OXR1: variants seen among roughly 807,000 people sequenced by gnomAD.
OXR1 encodes oxidation resistance protein 1.
In OXR1, 41 loss-of-function variants were observed where a neutral mutation model predicts 104.6. The observed-to-expected ratio is 0.39, with a 90% CI of 0.31 to 0.51. The LOEUF is 0.51. OXR1 is among the 20% of genes least tolerant of loss of function. The pLI is 0.77. For synonymous variants in OXR1, 348 were observed against 348.4 expected (o/e 1.00, Z 0.01); for missense variants, 955 against 1,031.9 (o/e 0.93, Z 1.02).
At chr8:106,725,519 T>C (rs1271980962) in intron 11 of OXR1, among the ~76,000 whole-genome samples, 6 of 152,242 alleles carry the variant, frequency 3.9e-5, no homozygotes, top group Admixed American at 2.6e-4. Flanking sequence ...ATATCACTGG[T>C]TAGTGAAGTA....
intron 2 of OXR1, among the ~76,000 whole-genome samples, chr8:106,432,502 C>G (rs1350805454): frequency 1.3e-5 from 2 of 152,102 alleles, no homozygotes; most frequent in African/African-American, 4.8e-5. Context: ...TCGTTCTTTC[C>G]CTTAGCTTAT....
chr8:106,740,615 T>C (rs1466036337), intron 14 of OXR1, 120 bp downstream of exon 14: 7 of 805,646 alleles, frequency 8.7e-6, no homozygotes, highest in African/African-American at 5.3e-5. Context: ...TGATAATTAC[T>C]GGGTACTTTT....
chr8:106,505,932 A>G (rs1050594017), intron 2 of OXR1, among the ~76,000 whole-genome samples: 2 of 152,218 alleles, frequency 1.3e-5, no homozygotes, highest in African/African-American at 4.8e-5. Context: ...ATAGCAGAGT[A>G]GGTAGTAGGG....
intron 2 of OXR1, among the ~76,000 whole-genome samples, chr8:106,390,917 A>ACTCT (rs1210990539): frequency 6.6e-6 from 1 of 151,962 alleles, no homozygotes; most frequent in Non-Finnish European, 1.5e-5. Flanking sequence ...TCCCCCAGAT[A>ACTCT]CTCTCATTAG....
chr8:106,434,788 A>C (rs916725513), intron 2 of OXR1, among the ~76,000 whole-genome samples: 3 of 152,222 alleles, frequency 2.0e-5, no homozygotes, highest in Non-Finnish European at 4.4e-5. Flanking sequence ...TAATTCAGCA[A>C]TTCTGTAATT....
chr8:106,524,221 T>C (rs534702590), intron 3 of OXR1, among the ~76,000 whole-genome samples: 24 of 152,230 alleles, frequency 1.6e-4, no homozygotes, highest in Non-Finnish European at 3.2e-4. Flanking sequence ...ACTCAGATAT[T>C]TGTGATAATC....
At chr8:106,551,974 T>C (rs1178132715) in intron 3 of OXR1, among the ~76,000 whole-genome samples, 5 of 148,872 alleles carry the variant, frequency 3.4e-5, no homozygotes, top group African/African-American at 9.9e-5. Context: ...GGCAGGAGGA[T>C]TGCCTGAGCC....
chr8:106,476,785 A>T (rs1020445601), intron 2 of OXR1, among the ~76,000 whole-genome samples: 12 of 151,868 alleles, frequency 7.9e-5, no homozygotes, highest in Non-Finnish European at 1.6e-4. Flanking sequence ...CTTTCCCGGC[A>T]CCTCAGTTCT....
intron 1 of OXR1, among the ~76,000 whole-genome samples, chr8:106,324,451 A>T (rs1586523927): frequency 6.7e-6 from 1 of 150,202 alleles, no homozygotes; most frequent in Non-Finnish European, 1.5e-5. Flanking sequence ...CTGTACAACA[A>T]CCCCCCCTAC....
At chr8:106,488,909 T>C (rs982939280) in intron 2 of OXR1, among the ~76,000 whole-genome samples, 1 of 151,776 alleles carries the variant, frequency 6.6e-6, no homozygotes, top group Non-Finnish European at 1.5e-5. Flanking sequence ...GGATGCGGGC[T>C]CTTTTTTGGT....
intron 3 of OXR1, among the ~76,000 whole-genome samples, chr8:106,622,258 T>A (rs1821765212): frequency 6.6e-6 from 1 of 152,058 alleles, no homozygotes. Context: ...AACACCATCA[T>A]CTTTTGACTG....
At chr8:106,531,503 A>T (rs1814090356) in intron 3 of OXR1, among the ~76,000 whole-genome samples, 1 of 152,142 alleles carries the variant, frequency 6.6e-6, no homozygotes, top group South Asian at 2.1e-4. Flanking sequence ...AAGGGCATTG[A>T]TATCCTCTCT....
intron 2 of OXR1, among the ~76,000 whole-genome samples, chr8:106,505,958 A>T (rs1812131590): frequency 6.6e-6 from 1 of 152,246 alleles, no homozygotes; most frequent in African/African-American, 2.4e-5. Flanking sequence ...AGGTCTAACC[A>T]GAGAGAGCAG....
intron 2 of OXR1, among the ~76,000 whole-genome samples, chr8:106,375,274 G>C (rs752454063): frequency 6.6e-6 from 1 of 152,152 alleles, no homozygotes; most frequent in Non-Finnish European, 1.5e-5. Context: ...AGATTTAAAA[G>C]CCATCTATTA....
intron 3 of OXR1, among the ~76,000 whole-genome samples, chr8:106,534,003 A>G (rs1365434310): frequency 6.6e-6 from 1 of 152,112 alleles, no homozygotes; most frequent in Non-Finnish European, 1.5e-5. Context: ...GTGAACCACC[A>G]CGCGCAGCCA....
intron 3 of OXR1, among the ~76,000 whole-genome samples, chr8:106,606,411 C>T (rs1351240063): frequency 6.6e-6 from 1 of 151,732 alleles, no homozygotes; most frequent in African/African-American, 2.4e-5. Context: ...AGTGATTTTC[C>T]TTCCTCAGCC....
At chr8:106,583,302 T>G (rs1276828802) in intron 3 of OXR1, among the ~76,000 whole-genome samples, 1 of 152,156 alleles carries the variant, frequency 6.6e-6, no homozygotes, top group Non-Finnish European at 1.5e-5. Flanking sequence ...AAATTACAAA[T>G]TTATATGATT....
chr8:106,327,556 TTCC>T (rs575812451), intron 1 of OXR1, among the ~76,000 whole-genome samples: 36 of 152,340 alleles, frequency 2.4e-4, no homozygotes, highest in Non-Finnish European at 5.1e-4. Context: ...GTTTTTGATC[TTCC>T]TCAATTGTAA....
chr8:106,463,037 C>G (rs1049940125), intron 2 of OXR1, among the ~76,000 whole-genome samples: 2 of 151,994 alleles, frequency 1.3e-5, no homozygotes, highest in Admixed American at 6.6e-5. Context: ...AATGATCTAT[C>G]AATACCAGTA....
Sources: allele counts gnomAD v4.1 joint callset (sites outside exome capture counted in the v4.1 genomes callset), GRCh38; gene constraint gnomAD v4.1.1; transcripts MANE v1.5; gene names NCBI Gene and HGNC (gene_info 2026-07-23, HGNC 2026-07-21).